SCCPDH: variants seen among roughly 807,000 people sequenced by gnomAD.
The protein encoded by SCCPDH is saccharopine dehydrogenase-like oxidoreductase.
In SCCPDH, 34 loss-of-function variants were observed where a neutral mutation model predicts 51.5. The ratio of observed to expected loss-of-function variants is 0.66; its 90% confidence interval spans 0.50 to 0.88. The LOEUF (loss-of-function observed/expected upper bound fraction) is 0.88. Ranked by LOEUF, SCCPDH falls within the 40% of genes least tolerant of loss-of-function variation. SCCPDH has a pLI of 0.00. For missense variants in SCCPDH, 464 were observed against 527.1 expected, an observed-to-expected ratio of 0.88 and a Z score of 1.17; for synonymous variants, 187 against 191.3, an observed-to-expected ratio of 0.98 and a Z score of 0.19.
intron 3 of SCCPDH, among the ~76,000 whole-genome samples, chr1:246,739,121 A>G (rs1294849430): frequency 6.6e-6 from 1 of 151,822 alleles, no homozygotes; most frequent in African/African-American, 2.4e-5. Context: ...TGTGTCTGGT[A>G]TGTGCTTGAA....
At chr1:246,737,792 G>A (rs1038903909) in intron 3 of SCCPDH, among the ~76,000 whole-genome samples, 11 of 152,042 alleles carry the variant, frequency 7.2e-5, no homozygotes, top group African/African-American at 1.2e-4. Context: ...GGGTTTCACC[G>A]TGTTGGCCAG....
Position 246,746,546 on chromosome 1 carries a change from A to T in SCCPDH, c.564+2421A>T, listed in dbSNP as rs188780389. 1.2e-4 allele frequency among the ~76,000 whole-genome samples: 18 copies of T among 152,264 alleles called. No homozygotes were observed. In the East Asian group the frequency reaches 3.3e-3, roughly 28 times the overall value. ...TAGGGGTGGTCTCCTCCCTTATAAG[A>T]ATAAAAAGAAGTGGCTAGGCGCAGT... On this transcript the variant is annotated intron_variant, in intron 5 of 11. Coordinates refer to ENST00000366510, the MANE Select transcript of SCCPDH (RefSeq NM_016002.3).
chr1:246,759,006 G>A, intron 6 of SCCPDH, 28 bp from the exon 7 acceptor site: 2 of 1,266,854 alleles, frequency 1.6e-6, no homozygotes, highest in South Asian at 2.4e-5. Flanking sequence ...TGCAGGAAAT[G>A]CAAAATATTC....
At chr1:246,758,979 C>T in intron 6 of SCCPDH, 55 bp from the exon 7 acceptor site, 1 of 1,006,960 alleles carries the variant, frequency 9.9e-7, no homozygotes, top group East Asian at 2.4e-5. Flanking sequence ...CAGACATTTA[C>T]CAGCCAAAGT....
At chr1:246,750,955 A>G (rs1338387947) in intron 5 of SCCPDH, among the ~76,000 whole-genome samples, 2 of 152,250 alleles carry the variant, frequency 1.3e-5, no homozygotes, top group East Asian at 1.9e-4. Flanking sequence ...CTGTGCACCC[A>G]TAAACTCTGA....
At chr1:246,754,711 G>A (rs1447296468) in intron 5 of SCCPDH, among the ~76,000 whole-genome samples, 1 of 152,114 alleles carries the variant, frequency 6.6e-6, no homozygotes, top group African/African-American at 2.4e-5. Context: ...GTTTCACCTA[G>A]GTTATCTAAT....
intron 5 of SCCPDH, among the ~76,000 whole-genome samples, 195 bp from the exon 6 acceptor site, chr1:246,758,031 A>G (rs1384098340): frequency 6.6e-6 from 1 of 152,126 alleles, no homozygotes; most frequent in Non-Finnish European, 1.5e-5. Context: ...CGGTGTAAAT[A>G]TTGGGTATGA....
intron 1 of SCCPDH, 149 bp from the exon 2 acceptor site, chr1:246,726,743 C>A: frequency 1.7e-6 from 1 of 591,144 alleles, no homozygotes; most frequent in Non-Finnish European, 2.9e-6. Flanking sequence ...TGATTAAAAA[C>A]AGTTTTATCT....
At chr1:246,758,199 T>C (rs763202460) in intron 5 of SCCPDH, 27 bp from the exon 6 acceptor site, 2 of 1,537,178 alleles carry the variant, frequency 1.3e-6, no homozygotes, top group Non-Finnish European at 1.8e-6. Flanking sequence ...CTTTCATGTT[T>C]CTTTAACTCT....
At chr1:246,766,275 A>G (rs1280079509) in intron 11 of SCCPDH, 136 bp downstream of exon 11, 1 of 639,794 alleles carries the variant, frequency 1.6e-6, no homozygotes, top group Non-Finnish European at 2.7e-6. Context: ...AAATATAGGT[A>G]AATTAAAACT....
At chr1:246,751,873 T>C (rs1035123027) in intron 5 of SCCPDH, among the ~76,000 whole-genome samples, 30 of 151,090 alleles carry the variant, frequency 2.0e-4, no homozygotes, top group Admixed American at 3.3e-4. Flanking sequence ...CCCGGGTTCA[T>C]GCCATTCTCC....
intron 2 of SCCPDH, among the ~76,000 whole-genome samples, chr1:246,731,479 G>A (rs1397449821): frequency 2.0e-5 from 3 of 152,222 alleles, no homozygotes; most frequent in South Asian, 2.1e-4. Context: ...GTGAGCCTGT[G>A]GCTGTAAGGC....
intron 9 of SCCPDH, 23 bp from the exon 10 acceptor site, chr1:246,764,223 G>T: frequency 6.9e-7 from 1 of 1,456,944 alleles, no homozygotes; most frequent in African/African-American, 1.4e-5. Context: ...TATGAAATGC[G>T]CCCTTTGCCT....
intron 1 of SCCPDH, among the ~76,000 whole-genome samples, chr1:246,725,820 G>T (rs1436844930): frequency 6.6e-6 from 1 of 152,104 alleles, no homozygotes; most frequent in South Asian, 2.1e-4. Flanking sequence ...GTTTCATTGT[G>T]GGGGGATATA....
At chr1:246,752,680 A>G (rs891644223) in intron 5 of SCCPDH, among the ~76,000 whole-genome samples, 1 of 151,832 alleles carries the variant, frequency 6.6e-6, no homozygotes, top group Non-Finnish European at 1.5e-5. Flanking sequence ...TCTTTTGACC[A>G]TACCTTGGGA....
At chr1:246,758,634 C>T (rs974336255) in intron 6 of SCCPDH, among the ~76,000 whole-genome samples, 6 of 152,038 alleles carry the variant, frequency 3.9e-5, no homozygotes, top group African/African-American at 1.4e-4. Flanking sequence ...ACATGTGAAT[C>T]CTAGGAAATA....
chr1:246,733,054 C>T (rs1668515078), intron 2 of SCCPDH, among the ~76,000 whole-genome samples: 1 of 152,148 alleles, frequency 6.6e-6, no homozygotes, highest in Non-Finnish European at 1.5e-5. Context: ...AAGTGGGACC[C>T]AGGCAGGCTG....
intron 3 of SCCPDH, among the ~76,000 whole-genome samples, chr1:246,736,284 T>C (rs184676523): frequency 2.0e-5 from 3 of 152,340 alleles, no homozygotes; most frequent in Non-Finnish European, 2.9e-5. Context: ...CATCATTTCT[T>C]ATAGGTCTGT....
intron 2 of SCCPDH, among the ~76,000 whole-genome samples, chr1:246,731,757 A>G (rs1480004187): frequency 6.6e-6 from 1 of 152,112 alleles, no homozygotes; most frequent in Non-Finnish European, 1.5e-5. Flanking sequence ...GTACATGTGC[A>G]CAACATGCAG....
Sources: allele counts gnomAD v4.1 joint callset (sites outside exome capture counted in the v4.1 genomes callset), GRCh38; gene constraint gnomAD v4.1.1; transcripts MANE v1.5; gene names NCBI Gene and HGNC (gene_info 2026-07-23, HGNC 2026-07-21).